Variants in CCNYL1 observed in about 807,000 individuals in gnomAD.
CCNYL1 encodes cyclin-Y-like protein 1.
Under a neutral mutation model 44.2 loss-of-function variants are expected in CCNYL1, and 16 were observed. The ratio of observed to expected loss-of-function variants is 0.36; its 90% CI spans 0.25 to 0.55. CCNYL1 has a LOEUF of 0.55. Ranked by LOEUF, CCNYL1 falls within the 20% of genes least tolerant of loss-of-function variation. The probability of loss-of-function intolerance (pLI) is 0.85; values close to 1 mark genes in which losing one functional copy is unlikely to be tolerated. For synonymous variants in CCNYL1, 159 were observed against 163.2 expected, an observed-to-expected ratio of 0.97 and a Z score of 0.20; for missense variants, 348 against 451.8, an observed-to-expected ratio of 0.77 and a Z score of 2.08.
At chr2:207,724,243 C>G (rs1474402669) in intron 1 of CCNYL1, among the ~76,000 whole-genome samples, 1 of 152,136 alleles carries the variant, frequency 6.6e-6, no homozygotes, top group Non-Finnish European at 1.5e-5. Flanking sequence ...CCATTCAGTC[C>G]TCTTAAATCT....
Position 207,712,049 on chromosome 2 carries a change from C to T in CCNYL1, c.153C>T (p.Ala51=). The T allele has an allele frequency of 6.5e-7, 1 of 1,550,302 alleles. No individual in the cohort carries two copies. The highest frequency in any genetic ancestry group is 8.7e-7 in the Non-Finnish European group (1 of 1,149,894). ...VAVAPAVVEP[A]ELDFGEGEGH... ...TAGCGCCCGCTGTGGTGGAGCCTGC[C>T]GAGTTGGATTTCGGAGAGGGCGAGG... The change falls in exon 1 of 10, where the codon GCC becomes GCT. Residue 51 remains alanine (A), a synonymous_variant. Coordinates refer to ENST00000295414, the MANE Select transcript of CCNYL1 (RefSeq NM_001330218.2).
chr2:207,729,651 C>CTCCTT (rs1001421734), intron 3 of CCNYL1, among the ~76,000 whole-genome samples: 2 of 151,820 alleles, frequency 1.3e-5, no homozygotes, highest in Admixed American at 6.6e-5. Flanking sequence ...TCTTTTTTAT[C>CTCCTT]TCCTTTCCTT....
chr2:207,734,425 A>G lies in CCNYL1; in HGVS notation c.431+378A>G, dbSNP rs138200226. Among the ~76,000 whole-genome samples, 8 of 152,356 alleles carry G rather than the reference A, an allele frequency of 5.3e-5. No homozygotes were observed. In the South Asian group the frequency reaches 6.2e-4, roughly 12 times the overall value. ...CTCAAACAATGTGTACTGCTTTGCA[A>G]ACTACTCTTGGAAGAAGGAACAGCT... On this transcript the variant is annotated intron_variant, in intron 4 of 9. Coordinates refer to ENST00000295414, the MANE Select transcript of CCNYL1 (RefSeq NM_001330218.2).
intron 7 of CCNYL1, among the ~76,000 whole-genome samples, chr2:207,744,622 G>A (rs1172731126): frequency 4.0e-5 from 6 of 151,660 alleles, no homozygotes; most frequent in Admixed American, 2.6e-4. Context: ...CGCCTACTTC[G>A]GCATCCCGAA....
intron 4 of CCNYL1, among the ~76,000 whole-genome samples, chr2:207,735,683 C>T (rs1407297637): frequency 2.6e-5 from 4 of 152,158 alleles, no homozygotes; most frequent in East Asian, 1.9e-4. Flanking sequence ...CTGGGCAACA[C>T]GGTGAAACCC....
intron 8 of CCNYL1, among the ~76,000 whole-genome samples, chr2:207,748,254 G>C (rs551359619): frequency 1.3e-5 from 2 of 152,322 alleles, no homozygotes; most frequent in African/African-American, 4.8e-5. Context: ...GGTCTGAGAA[G>C]CACTGCTGGG....
In CCNYL1 at chr2:207,754,349, G is replaced by A. The variant is rs1229098515; in HGVS notation, c.*651G>A. 1.3e-5 allele frequency: 2 copies of A among 152,676 alleles called. No individual in the cohort carries two copies. Among genetic ancestry groups the A allele is most frequent in the African/African-American group, 2.4e-5 (1 of 41,460 alleles). The allele number at this position is 152,676 out of a possible 1,614,324, so 9.5% of individuals were successfully genotyped here. ...ATGTTTGGGGTCATAAACAGAGGAAGTATCAGTTATTGATATCTACTTCTA... is the reference window on the plus strand; with the variant it reads ...ATGTTTGGGGTCATAAACAGAGGAAATATCAGTTATTGATATCTACTTCTA... On this transcript the variant is annotated 3_prime_UTR_variant, in exon 10 of 10. Transcript: ENST00000295414.
At chr2:207,734,393 T>G (rs573267944) in intron 4 of CCNYL1, among the ~76,000 whole-genome samples, 3 of 152,342 alleles carry the variant, frequency 2.0e-5, no homozygotes, top group Admixed American at 6.5e-5. Flanking sequence ...TGTTATGAGT[T>G]ACAGGTCTCA....
At position 207,746,908 on chromosome 2, in the gene CCNYL1, G is replaced by A. The variant is rs1390848525; in HGVS notation, c.640-139G>A. 12 of 611,070 alleles carry A rather than the reference G, an allele frequency of 2.0e-5. No homozygotes were observed. The East Asian group carries it at 2.4e-4, about 12-fold the overall frequency. 37.9% of individuals were successfully genotyped at this position (611,070 alleles called of 1,614,324 possible). On this transcript the variant is annotated intron_variant, in intron 7 of 9. Coordinates refer to ENST00000295414, the MANE Select transcript of CCNYL1 (RefSeq NM_001330218.2). ...GGAGAATCACTTGAACCTGGGAGGCGGAGGTTCTGTGAGCCGAGATCGCAC... is the reference window on the plus strand; with the variant it reads ...GGAGAATCACTTGAACCTGGGAGGCAGAGGTTCTGTGAGCCGAGATCGCAC...
At chr2:207,740,073 G>A (rs2091796637) in intron 5 of CCNYL1, among the ~76,000 whole-genome samples, 1 of 152,174 alleles carries the variant, frequency 6.6e-6, no homozygotes, top group Non-Finnish European at 1.5e-5. Context: ...GAAGTCCACA[G>A]ACCACACTTG....
chr2:207,732,713 C>G (rs1426381699), intron 3 of CCNYL1, among the ~76,000 whole-genome samples: 3 of 151,984 alleles, frequency 2.0e-5, no homozygotes, highest in Admixed American at 1.3e-4. Context: ...ATAGTTCAGG[C>G]TGTTTCAGTA....
chr2:207,735,812 C>T (rs1267285522), intron 4 of CCNYL1, among the ~76,000 whole-genome samples: 1 of 151,712 alleles, frequency 6.6e-6, no homozygotes, highest in South Asian at 2.1e-4. Flanking sequence ...TGCAGTGAGC[C>T]GAGATTGTGC....
At chr2:207,727,964 CT>C (rs535485306) in intron 3 of CCNYL1, among the ~76,000 whole-genome samples, 2,510 of 140,906 alleles carry the variant, frequency 0.018, 41 homozygotes, top group African/African-American at 0.051. Context: ...CTCTCTCTCT[CT>C]TTTTTTTTTT....
At chr2:207,753,226 A>T (rs1040440698) in intron 9 of CCNYL1, among the ~76,000 whole-genome samples, 3 of 152,048 alleles carry the variant, frequency 2.0e-5, no homozygotes, top group African/African-American at 7.2e-5. Context: ...CTGAATAAAC[A>T]TTTTTTTGCA....
chr2:207,739,365 CG>C (rs1453556719), intron 5 of CCNYL1, among the ~76,000 whole-genome samples: 1 of 152,016 alleles, frequency 6.6e-6, no homozygotes, highest in Non-Finnish European at 1.5e-5. Context: ...CCTGAGTAGC[CG>C]GGACTGCGGG....
chr2:207,739,468 G>A (rs899127184), intron 5 of CCNYL1, among the ~76,000 whole-genome samples: 1 of 151,924 alleles, frequency 6.6e-6, no homozygotes, highest in African/African-American at 2.4e-5. Flanking sequence ...GACCTCAAGT[G>A]ATCCACCCGC....
Position 207,720,129 on chromosome 2 carries a change from A to G in CCNYL1, c.221-4671A>G, listed in dbSNP as rs530634452. On this transcript the variant is annotated intron_variant, in intron 1 of 9. Transcript: ENST00000295414. ...CTTCAACTCAGGAGGCAGAGGTTGC[A>G]GTGAGCCGAGATCATGCCACTGCAC... Among the ~76,000 whole-genome samples, 540 of 135,654 alleles carry G rather than the reference A, an allele frequency of 4.0e-3. 3 individuals carry two copies. The highest frequency in any genetic ancestry group is 0.014 in the African/African-American group (512 of 35,996). The allele number at this position is 135,654 out of a possible 152,430, so 89.0% of individuals were successfully genotyped here. A position where few individuals can be genotyped will look rare whatever the true frequency, so the allele number is the denominator to read the frequency against.
intron 1 of CCNYL1, among the ~76,000 whole-genome samples, chr2:207,718,018 C>T (rs561905016): frequency 1.8e-4 from 27 of 151,108 alleles, no homozygotes; most frequent in African/African-American, 6.6e-4. Context: ...GATTCTCCTG[C>T]CTCAGCCTCC....
chr2:207,733,854 T>C (rs147020571), intron 3 of CCNYL1, 93 bp from the exon 4 acceptor site: 1 of 768,940 alleles, frequency 1.3e-6, no homozygotes, highest in Non-Finnish European at 2.2e-6. Context: ...AATATCTTAA[T>C]GCTTTATCAT....
Sources: allele counts gnomAD v4.1 joint callset (sites outside exome capture counted in the v4.1 genomes callset), GRCh38; gene constraint gnomAD v4.1.1; transcripts MANE v1.5; gene names NCBI Gene and HGNC (gene_info 2026-07-23, HGNC 2026-07-21).